The following LRRC28 variants were observed in gnomAD, a reference collection of about 807,000 sequenced individuals.
The protein encoded by LRRC28 is leucine-rich repeat-containing protein 28.
Under a neutral mutation model 45.7 loss-of-function variants are expected in LRRC28, and 39 were observed. The ratio of observed to expected loss-of-function variants is 0.85; its 90% confidence interval spans 0.66 to 1.12. LRRC28 has a LOEUF of 1.12. LRRC28 is among the 50% of genes most tolerant of loss of function. The probability of loss-of-function intolerance (pLI) is 0.00; values close to 1 mark genes in which losing one functional copy is unlikely to be tolerated. For synonymous variants in LRRC28, 206 were observed against 178.8 expected (o/e 1.15, Z -1.22); for missense variants, 435 against 438.5 (o/e 0.99, Z 0.07).
intron 2 of LRRC28, chr15:99,257,769 G>A: frequency 1.3e-6 from 1 of 777,244 alleles, no homozygotes; most frequent in East Asian, 2.4e-5. Flanking sequence ...GATGGATGAT[G>A]AAGTAGTACA....
At chr15:99,256,816 A>C (rs1235004693) in intron 2 of LRRC28, among the ~76,000 whole-genome samples, 4 of 152,248 alleles carry the variant, frequency 2.6e-5, no homozygotes, top group Non-Finnish European at 5.9e-5. Flanking sequence ...AGAATGTCCA[A>C]ATCAAGCTTT....
rs957210724 is a variant in LRRC28 at position 99,278,250 on chromosome 15, T to A, written c.209+1634T>A. On this transcript the variant is annotated intron_variant, in intron 3 of 9. Coordinates refer to ENST00000301981, the MANE Select transcript of LRRC28 (RefSeq NM_144598.5). Reference sequence around the variant, plus strand: ...GGACATCCTTGTCTTCTTTCTTTTTTAAAAAAAAATTTTTTAAGACCGAAT... The same window carrying A: ...GGACATCCTTGTCTTCTTTCTTTTTAAAAAAAAAATTTTTTAAGACCGAAT... Among the ~76,000 whole-genome samples, 19 of 152,142 alleles carry A rather than the reference T, an allele frequency of 1.2e-4. No homozygotes were observed. In the East Asian group the frequency reaches 3.1e-3, roughly 25 times the overall value.
rs1957977887 is a variant in LRRC28, at chr15:99,386,044, GTT to G, written c.1049_1050del (p.Phe350CysfsTer14). The stretch of plus-strand genomic sequence containing the variant: ...TCCCCTTCCAGGAAGACAACTGTTA[GTT>G]TTGTGGCTTACTGCTGCTCCACCCA... On this transcript the variant is annotated frameshift_variant, in exon 10 of 10. Coordinates refer to ENST00000301981, the MANE Select transcript of LRRC28 (RefSeq NM_144598.5). LOFTEE classifies it high-confidence loss of function. The G allele has an allele frequency of 1.9e-6, 3 of 1,614,016 alleles. No individual in the cohort carries two copies. The highest frequency in any genetic ancestry group is 2.5e-6 in the Non-Finnish European group (3 of 1,180,000).
intron 6 of LRRC28, among the ~76,000 whole-genome samples, chr15:99,345,026 T>C (rs1956635186): frequency 6.6e-6 from 1 of 152,232 alleles, no homozygotes; most frequent in Non-Finnish European, 1.5e-5. Context: ...ATGAGAACAG[T>C]AACTGCCATA....
intron 2 of LRRC28, 27 bp from the exon 3 acceptor site, chr15:99,276,549 A>C (rs1241893778): frequency 1.9e-6 from 3 of 1,545,442 alleles, no homozygotes; most frequent in Non-Finnish European, 1.7e-6. Context: ...CAAAAATAAA[A>C]TTTAATTCTG....
intron 5 of LRRC28, among the ~76,000 whole-genome samples, chr15:99,316,691 G>A (rs1293715641): frequency 6.9e-6 from 1 of 145,084 alleles, no homozygotes; most frequent in African/African-American, 2.6e-5. Context: ...AGAGATTTGA[G>A]GTAGGATTTA....
intron 5 of LRRC28, among the ~76,000 whole-genome samples, chr15:99,297,853 A>G (rs2082305364): frequency 1.3e-5 from 2 of 152,006 alleles, no homozygotes; most frequent in African/African-American, 2.4e-5. Flanking sequence ...CAAGCTTTGA[A>G]AATTTGGCAA....
At chr15:99,284,490 T>C (rs1597233816) in intron 3 of LRRC28, 1 of 451,512 alleles carries the variant, frequency 2.2e-6, no homozygotes, top group East Asian at 6.9e-5. Context: ...GTCTAAACCA[T>C]GTCTTCTTTG....
rs372234952 is a variant in LRRC28, at chr15:99,346,158, G to GTTCATTCA, written c.593-6188_593-6181dup. Reference sequence around the variant, plus strand: ...CACAATGCCCAGCTAATAGTCATTTGTTCATTCATTCATTCATTCATTCAT... The same window carrying GTTCATTCA: ...CACAATGCCCAGCTAATAGTCATTTGTTCATTCATTCATTCATTCATTCATTCATTCAT... On this transcript the variant is annotated intron_variant, in intron 6 of 9. Transcript: ENST00000301981. Among the ~76,000 whole-genome samples the GTTCATTCA allele has an allele frequency of 2.6e-5, 4 of 151,674 alleles. No homozygotes were observed. In the East Asian group the frequency reaches 5.8e-4, roughly 22 times the overall value.
intron 2 of LRRC28, chr15:99,257,772 G>T (rs1379896011): frequency 1.3e-6 from 1 of 777,208 alleles, no homozygotes; most frequent in Non-Finnish European, 2.4e-6. Flanking sequence ...GGATGATGAA[G>T]TAGTACAGAG....
chr15:99,283,224 T>G (rs938076771), intron 3 of LRRC28, among the ~76,000 whole-genome samples: 37 of 152,158 alleles, frequency 2.4e-4, no homozygotes, highest in African/African-American at 8.7e-4. Flanking sequence ...TTTTTTATTT[T>G]GGAACAATTT....
At chr15:99,274,233 A>G (rs1434608983) in intron 2 of LRRC28, among the ~76,000 whole-genome samples, 1 of 152,256 alleles carries the variant, frequency 6.6e-6, no homozygotes, top group African/African-American at 2.4e-5. Flanking sequence ...TGGTTATCAC[A>G]AAAGGGAAGG....
At chr15:99,298,729 G>C (rs1462579216) in intron 5 of LRRC28, among the ~76,000 whole-genome samples, 1 of 152,202 alleles carries the variant, frequency 6.6e-6, no homozygotes. Flanking sequence ...CTAATTGTGA[G>C]ATGGAGTCTC....
In LRRC28 at chr15:99,386,366, G is replaced by C; in HGVS notation, c.*264G>C. 2.7e-6 allele frequency: 1 copy of C among 367,970 alleles called. No homozygotes were observed. Among genetic ancestry groups the C allele is most frequent in the East Asian group, 4.3e-5 (1 of 23,058 alleles). 22.8% of individuals were successfully genotyped at this position (367,970 alleles called of 1,614,324 possible). On this transcript the variant is annotated 3_prime_UTR_variant, in exon 10 of 10. Transcript: ENST00000301981. The stretch of plus-strand genomic sequence containing the variant: ...TTACAGAAACCATTTAGATTGATGG[G>C]CCTCCCCAAATCTAATTTAAAGCAA...
chr15:99,378,102 G>C (rs1337764304), intron 9 of LRRC28, among the ~76,000 whole-genome samples: 1 of 152,118 alleles, frequency 6.6e-6, no homozygotes, highest in Non-Finnish European at 1.5e-5. Context: ...AGCTTGATGG[G>C]AATGGCATTG....
chr15:99,386,708 T>C lies in LRRC28; in HGVS notation c.*606T>C, dbSNP rs1221109128. 3 of 152,230 alleles carry C rather than the reference T, an allele frequency of 2.0e-5. No individual in the cohort carries two copies. The highest frequency in any genetic ancestry group is 4.4e-5 in the Non-Finnish European group (3 of 68,066). The allele number at this position is 152,230 out of a possible 1,614,324, so 9.4% of individuals were successfully genotyped here. Reference sequence around the variant, plus strand: ...GGAAAGTTCCAGCCTTGTTTATACGTTCTACAGTGTAGCAACAGACTTTTG... The same window carrying C: ...GGAAAGTTCCAGCCTTGTTTATACGCTCTACAGTGTAGCAACAGACTTTTG... On this transcript the variant is annotated 3_prime_UTR_variant, in exon 10 of 10. Transcript: ENST00000301981.
chr15:99,383,541 T>C (rs1957892923), intron 9 of LRRC28, among the ~76,000 whole-genome samples: 1 of 152,190 alleles, frequency 6.6e-6, no homozygotes, highest in Non-Finnish European at 1.5e-5. Flanking sequence ...AGTGTGTGTC[T>C]GTTTCTCTGT....
chr15:99,275,820 G>GA (rs2081603122), intron 2 of LRRC28, among the ~76,000 whole-genome samples: 1 of 152,138 alleles, frequency 6.6e-6, no homozygotes, highest in African/African-American at 2.4e-5. Context: ...CCATGACCAT[G>GA]GATTATGAGG....
intron 5 of LRRC28, among the ~76,000 whole-genome samples, chr15:99,325,692 C>G (rs1437899651): frequency 6.6e-6 from 1 of 152,144 alleles, no homozygotes; most frequent in African/African-American, 2.4e-5. Flanking sequence ...TATTCTTATT[C>G]CATGAACATG....
Sources: allele counts gnomAD v4.1 joint callset (sites outside exome capture counted in the v4.1 genomes callset), GRCh38; gene constraint gnomAD v4.1.1; transcripts MANE v1.5; gene names NCBI Gene and HGNC (gene_info 2026-07-23, HGNC 2026-07-21).